The following NELFA variants were observed in gnomAD, a reference collection of about 807,000 sequenced individuals.
NELFA encodes the protein negative elongation factor complex member A, also known as negative elongation factor A.
In NELFA, 35 loss-of-function variants were observed where a neutral mutation model predicts 51.8. The ratio of observed to expected loss-of-function variants is 0.68; its 90% confidence interval spans 0.52 to 0.90. The LOEUF (loss-of-function observed/expected upper bound fraction) is 0.90, where lower values mean the gene tolerates loss of function less well. Among genes scored for constraint, NELFA ranks in the 40% least tolerant of loss-of-function variants. The pLI is 0.00. For synonymous variants in NELFA, 417 were observed against 338.4 expected, an observed-to-expected ratio of 1.23 and a Z score of -2.55; for missense variants, 658 against 746.4, an observed-to-expected ratio of 0.88 and a Z score of 1.38.
Position 1,987,941 on chromosome 4 carries a change from A to G in NELFA, c.611T>C (p.Leu204Pro). ...ACTGGTGGTGTCCATCTTCCGCAGC[A>G]GCCCCCGGCCCTTGGCGTGGAAGGG... The part of the protein sequence containing the change: ...GVPFHAKGRG[L>P]LRKMDTTTPL... Residue 204 changes from leucine to proline, a missense_variant, in exon 4 of 11, where the codon CTG (leucine) becomes CCG (proline). By Grantham distance (98) the Leu-to-Pro change is moderately conservative (BLOSUM62 -3). This residue lies in a region of NELFA where 371 missense variants were observed against 448.3 expected (regional missense o/e 0.83). Coordinates refer to ENST00000382882, the MANE Select transcript of NELFA (RefSeq NM_005663.5). The G allele has an allele frequency of 1.2e-6, 2 of 1,609,784 alleles. No individual in the cohort carries two copies. Among genetic ancestry groups the G allele is most frequent in the South Asian group, 2.2e-5 (2 of 89,822 alleles).
intron 6 of NELFA, 111 bp from the exon 7 acceptor site, chr4:1,985,975 G>A: frequency 7.5e-7 from 1 of 1,340,034 alleles, no homozygotes; most frequent in Non-Finnish European, 1.0e-6. Context: ...AAGGAGCGAG[G>A]AGAAAAGCAG....
intron 1 of NELFA, among the ~76,000 whole-genome samples, chr4:2,005,136 T>C (rs191487766): frequency 2.9e-5 from 4 of 138,094 alleles, no homozygotes; most frequent in Non-Finnish European, 6.4e-5. Flanking sequence ...AAATTCATGA[T>C]TAAAAGATTT....
At chr4:2,004,735 A>G (rs966989645) in intron 1 of NELFA, among the ~76,000 whole-genome samples, 19 of 148,580 alleles carry the variant, frequency 1.3e-4, no homozygotes, top group African/African-American at 4.2e-4. Flanking sequence ...CAATCCGCCC[A>G]TCTTGGCCTC....
chr4:2,008,170 C>A (rs1728761330), intron 1 of NELFA: 1 of 387,350 alleles, frequency 2.6e-6, no homozygotes, highest in African/African-American at 2.1e-5. Context: ...ACCAGGGCTG[C>A]GTCCCCGACG....
intron 1 of NELFA, among the ~76,000 whole-genome samples, chr4:1,999,770 C>T (rs1289283789): frequency 2.0e-5 from 3 of 152,208 alleles, no homozygotes; most frequent in Non-Finnish European, 2.9e-5. Context: ...TTGAACTCAA[C>T]TCTGGATCAA....
Position 1,985,897 on chromosome 4 carries a change from C to T in NELFA, c.836-33G>A, listed in dbSNP as rs533239474. The T allele has an allele frequency of 1.1e-5, 17 of 1,567,014 alleles. No homozygotes were observed. The Admixed American group carries it at 1.8e-4, about 16-fold the overall frequency. On this transcript the variant is annotated intron_variant, in intron 6 of 10. Coordinates refer to ENST00000382882, the MANE Select transcript of NELFA (RefSeq NM_005663.5). Reference sequence around the variant, plus strand: ...CAAAACAGGAGTCCTCGCCAGTGCCCGGGCGCGTCTGCAGTGTCAGCTCAG... The same window carrying T: ...CAAAACAGGAGTCCTCGCCAGTGCCTGGGCGCGTCTGCAGTGTCAGCTCAG...
intron 2 of NELFA, among the ~76,000 whole-genome samples, chr4:1,990,231 C>T (rs934667730): frequency 2.0e-5 from 3 of 152,142 alleles, no homozygotes; most frequent in South Asian, 2.1e-4. Context: ...GAAGGACCCC[C>T]GATCTGTGGC....
At chr4:1,984,981 A>C in intron 7 of NELFA, 62 bp from the exon 8 acceptor site, 3 of 1,244,990 alleles carry the variant, frequency 2.4e-6, no homozygotes, top group Non-Finnish European at 1.1e-6. Context: ...GTGCTAACAC[A>C]TGGCCCGACC....
intron 1 of NELFA, chr4:2,004,054 G>C (rs371003322): frequency 3.2e-4 from 48 of 152,144 alleles, no homozygotes; most frequent in African/African-American, 1.2e-3. Flanking sequence ...AGCTACTCGG[G>C]AGGCTGAGGC....
At chr4:1,990,008 C>T (rs1728225734) in intron 2 of NELFA, 139 bp from the exon 3 acceptor site, 4 of 917,846 alleles carry the variant, frequency 4.4e-6, no homozygotes, top group South Asian at 1.7e-5. Context: ...CTGAGGTCCT[C>T]GAGACTGACT....
intron 4 of NELFA, chr4:1,987,698 C>T (rs896629432): frequency 6.4e-5 from 36 of 560,534 alleles, no homozygotes; most frequent in African/African-American, 5.9e-4. Context: ...CCTCAGATCC[C>T]GGCCCTCCTG....
chr4:1,988,339 C>G (rs1728173446), intron 3 of NELFA, among the ~76,000 whole-genome samples: 2 of 152,254 alleles, frequency 1.3e-5, no homozygotes, highest in Non-Finnish European at 2.9e-5. Flanking sequence ...AGTGGTAGCA[C>G]CGTCCTCGCT....
At chr4:2,006,016 T>G (rs1238613593) in intron 1 of NELFA, among the ~76,000 whole-genome samples, 1 of 152,114 alleles carries the variant, frequency 6.6e-6, no homozygotes, top group East Asian at 1.9e-4. Flanking sequence ...TGTGGAAGTG[T>G]GAAGGGACAA....
In NELFA at chr4:1,983,488, T is replaced by A; in HGVS notation, c.1418A>T (p.Glu473Val). 1 of 1,614,006 alleles carries A rather than the reference T, an allele frequency of 6.2e-7. No individual in the cohort carries two copies. The highest frequency in any genetic ancestry group is 8.5e-7 in the Non-Finnish European group (1 of 1,179,986). The stretch of plus-strand genomic sequence containing the variant: ...CTTGATCTGGATCACGTCCCCCTGC[T>A]CCTGGCACGGGTTCTCTGCAGAGAG... ...MAGSRENPCQ[E>V]QGDVIQIKLS... The change falls in exon 11 of 11, where the codon GAG (glutamate) becomes GTG (valine). Residue 473 changes from glutamate (E) to valine (V), a missense_variant. Coordinates refer to ENST00000382882, the MANE Select transcript of NELFA (RefSeq NM_005663.5).
chr4:2,008,828 G>A lies in NELFA; in HGVS notation c.132C>T (p.Cys44=), dbSNP rs1171698024. 1.9e-6 allele frequency: 3 copies of A among 1,610,596 alleles called. No homozygotes were observed. Among genetic ancestry groups the A allele is most frequent in the Non-Finnish European group, 2.5e-6 (3 of 1,178,536 alleles). The part of the protein sequence containing the change: ...TAAVIDNIRL[C]FHGLSSAVKL... ...TCACTGCCGACGAGAGGCCATGGAA[G>A]CAGAGACGGATGTTGTCGATGACCG... is the stretch of plus-strand genomic sequence containing the variant. The change falls in exon 1 of 11, where the codon TGC becomes TGT. Residue 44 remains cysteine (C), a synonymous_variant. Transcript: ENST00000382882.
At chr4:1,996,980 G>C (rs1052796871) in intron 1 of NELFA, among the ~76,000 whole-genome samples, 2 of 152,108 alleles carry the variant, frequency 1.3e-5, no homozygotes, top group Admixed American at 6.6e-5. Flanking sequence ...CAGGTATGGT[G>C]GTGCATGCCT....
chr4:1,986,671 C>G, intron 4 of NELFA: 1 of 447,518 alleles, frequency 2.2e-6, no homozygotes, highest in Non-Finnish European at 4.1e-6. Flanking sequence ...AGTCTCTCAC[C>G]AGTGTGGCGG....
chr4:1,987,029 AGAG>A (rs1409611938), intron 4 of NELFA, among the ~76,000 whole-genome samples: 2 of 152,068 alleles, frequency 1.3e-5, no homozygotes, highest in African/African-American at 4.8e-5. Context: ...CAGGCGGGGT[AGAG>A]GAGAGCAAGG....
chr4:1,994,327 G>A (rs1728364055), intron 1 of NELFA, among the ~76,000 whole-genome samples: 1 of 152,158 alleles, frequency 6.6e-6, no homozygotes, highest in African/African-American at 2.4e-5. Flanking sequence ...CACTCTGGGA[G>A]GCTAGGGCGG....
Sources: allele counts gnomAD v4.1 joint callset (sites outside exome capture counted in the v4.1 genomes callset), GRCh38; gene constraint gnomAD v4.1.1; regional missense constraint gnomAD v4.1.1; transcripts MANE v1.5; gene names NCBI Gene and HGNC (gene_info 2026-07-23, HGNC 2026-07-21).